NUDCD3: variants seen among roughly 807,000 people sequenced by gnomAD.
NUDCD3 encodes nudC domain-containing protein 3.
Under a neutral mutation model 39.7 loss-of-function variants are expected in NUDCD3, and 13 were observed. The ratio of observed to expected loss-of-function variants is 0.33; its 90% CI spans 0.21 to 0.52. NUDCD3 has a LOEUF of 0.52. Among genes scored for constraint, NUDCD3 ranks in the 20% least tolerant of loss-of-function variants. The pLI is 0.96. For synonymous variants in NUDCD3, 175 were observed against 172.4 expected (o/e 1.02, Z -0.12); for missense variants, 453 against 458.1 (o/e 0.99, Z 0.10).
rs1356858263 is a variant in NUDCD3, at chr7:44,384,061, AAAAC to A, written c.*1946_*1949del. 1 of 152,254 alleles carries A rather than the reference AAAAC, an allele frequency of 6.6e-6. No homozygotes were observed. Among genetic ancestry groups the A allele is most frequent in the African/African-American group, 2.4e-5 (1 of 41,460 alleles). 9.4% of individuals were successfully genotyped at this position (152,254 alleles called of 1,614,324 possible). A position where few individuals can be genotyped will look rare whatever the true frequency, so the allele number is the denominator to read the frequency against. On this transcript the variant is annotated 3_prime_UTR_variant, in exon 6 of 6. Transcript: ENST00000355451. Reference sequence around the variant, plus strand: ...TGCAACACAGAATATAAAATCAGGCAAAACAAACACTAGTCACCATGGAAGTGAA... The same window carrying A: ...TGCAACACAGAATATAAAATCAGGCAAAACACTAGTCACCATGGAAGTGAA...
chr7:44,479,707 C>A (rs780481402), intron 2 of NUDCD3, among the ~76,000 whole-genome samples: 3 of 152,100 alleles, frequency 2.0e-5, no homozygotes, highest in Non-Finnish European at 4.4e-5. Flanking sequence ...AGATTTTAGA[C>A]AGAGTGCTCA....
At chr7:44,487,100 A>C (rs1017744054) in intron 1 of NUDCD3, among the ~76,000 whole-genome samples, 2 of 152,240 alleles carry the variant, frequency 1.3e-5, no homozygotes, top group Non-Finnish European at 2.9e-5. Flanking sequence ...CAAAAAAAAC[A>C]GCATTATCGA....
chr7:44,450,288 G>A (rs958497307), intron 2 of NUDCD3, among the ~76,000 whole-genome samples: 6 of 151,158 alleles, frequency 4.0e-5, no homozygotes, highest in African/African-American at 1.5e-4. Flanking sequence ...AGAGATTCTC[G>A]TGCCTCAGCC....
At chr7:44,412,953 A>G (rs540494792) in intron 3 of NUDCD3, among the ~76,000 whole-genome samples, 1 of 151,294 alleles carries the variant, frequency 6.6e-6, no homozygotes, top group East Asian at 1.9e-4. Context: ...GAAAAAAAAA[A>G]AGAAAGAAAC....
chr7:44,454,397 G>A (rs907474981), intron 2 of NUDCD3, among the ~76,000 whole-genome samples: 13 of 152,172 alleles, frequency 8.5e-5, no homozygotes, highest in African/African-American at 3.1e-4. Context: ...AAGAGCACAA[G>A]AATAGAATGA....
chr7:44,404,419 C>T (rs201764880), intron 4 of NUDCD3, 21 bp downstream of exon 4: 24 of 1,612,574 alleles, frequency 1.5e-5, no homozygotes, highest in Non-Finnish European at 2.0e-5. Flanking sequence ...GGGAGCCCTA[C>T]ACACAGGTGC....
At chr7:44,424,160 CTT>C (rs1324937334) in intron 3 of NUDCD3, among the ~76,000 whole-genome samples, 1 of 152,184 alleles carries the variant, frequency 6.6e-6, no homozygotes, top group African/African-American at 2.4e-5. Flanking sequence ...GGATTAAAGA[CTT>C]AAACATAAAA....
chr7:44,487,521 C>A (rs1219596357), intron 1 of NUDCD3, among the ~76,000 whole-genome samples: 4 of 151,840 alleles, frequency 2.6e-5, no homozygotes, highest in African/African-American at 9.7e-5. Flanking sequence ...AGATCACCTA[C>A]TACCACGAAG....
At chr7:44,411,941 G>A (rs1224575891) in intron 3 of NUDCD3, among the ~76,000 whole-genome samples, 1 of 152,198 alleles carries the variant, frequency 6.6e-6, no homozygotes, top group African/African-American at 2.4e-5. Flanking sequence ...CATTCCACAG[G>A]ACAAGTCCTC....
intron 3 of NUDCD3, 60 bp downstream of exon 3, chr7:44,427,511 C>G (rs1201383589): frequency 1.8e-5 from 28 of 1,568,666 alleles, no homozygotes; most frequent in Non-Finnish European, 2.2e-5. Context: ...TGGGTCTTCC[C>G]TGCAACAGCT....
At chr7:44,444,546 A>G (rs1799653807) in intron 2 of NUDCD3, among the ~76,000 whole-genome samples, 1 of 152,228 alleles carries the variant, frequency 6.6e-6, no homozygotes, top group Non-Finnish European at 1.5e-5. Flanking sequence ...TCTTACACTA[A>G]GTCCTTTTGG....
In NUDCD3 at chr7:44,386,066, C is replaced by T. The variant is rs1798396267; in HGVS notation, c.1031G>A (p.Gly344Asp). Residue 344 changes from glycine to aspartate, a missense_variant, in exon 6 of 6, where the codon GGC becomes GAC. Transcript: ENST00000355451. ...GAACATGGCAGGGTCGAATCGCTGG[C>T]CTCGGAAGGGAGAACCTTCAGCATC... Reference protein sequence around the residue: ...GWDAEGSPFRGQRFDPAMFNI... With the variant: ...GWDAEGSPFRDQRFDPAMFNI... 1 of 1,613,478 alleles carries T rather than the reference C, an allele frequency of 6.2e-7. No homozygotes were observed. Among genetic ancestry groups the T allele is most frequent in the Non-Finnish European group, 8.5e-7 (1 of 1,179,382 alleles).
chr7:44,441,044 CAAAT>C (rs1332063090), intron 2 of NUDCD3, among the ~76,000 whole-genome samples: 1 of 152,196 alleles, frequency 6.6e-6, no homozygotes, highest in Non-Finnish European at 1.5e-5. Context: ...CTTTGAAAAG[CAAAT>C]AAAAGCACTT....
At chr7:44,489,161 T>C (rs559845551) in intron 1 of NUDCD3, among the ~76,000 whole-genome samples, 11 of 152,328 alleles carry the variant, frequency 7.2e-5, no homozygotes, top group African/African-American at 1.7e-4. Context: ...CCTTGCTGAA[T>C]TGGTACGTAA....
chr7:44,463,283 G>C (rs1310608015), intron 2 of NUDCD3, among the ~76,000 whole-genome samples: 1 of 152,112 alleles, frequency 6.6e-6, no homozygotes, highest in Non-Finnish European at 1.5e-5. Flanking sequence ...AACCTAAGTG[G>C]CATTGAACCC....
At chr7:44,462,664 G>C (rs1377689230) in intron 2 of NUDCD3, among the ~76,000 whole-genome samples, 1 of 152,220 alleles carries the variant, frequency 6.6e-6, no homozygotes, top group African/African-American at 2.4e-5. Flanking sequence ...CCTTGGGGCA[G>C]TCAATGGGCA....
chr7:44,413,488 G>A (rs1187006424), intron 3 of NUDCD3, among the ~76,000 whole-genome samples: 1 of 152,132 alleles, frequency 6.6e-6, no homozygotes, highest in Non-Finnish European at 1.5e-5. Context: ...GTAAGAAAAA[G>A]TACAGCAACC....
chr7:44,454,574 A>C (rs1231402634), intron 2 of NUDCD3, among the ~76,000 whole-genome samples: 1 of 152,132 alleles, frequency 6.6e-6, no homozygotes, highest in Non-Finnish European at 1.5e-5. Flanking sequence ...GCAACTGTGA[A>C]CTGGCAAACT....
At chr7:44,473,123 A>G (rs1276044790) in intron 2 of NUDCD3, among the ~76,000 whole-genome samples, 1 of 152,228 alleles carries the variant, frequency 6.6e-6, no homozygotes, top group Admixed American at 6.5e-5. Context: ...AGAATACTAC[A>G]TGGCAGTTAG....
Sources: gnomAD v4.1 joint callset for allele counts (sites outside exome capture counted in the v4.1 genomes callset) on GRCh38, gnomAD v4.1.1 for gene constraint, MANE v1.5 for transcripts, NCBI Gene and HGNC (gene_info 2026-07-23, HGNC 2026-07-21) for gene names.